Variants in DACH2 observed in about 807,000 individuals in gnomAD.
DACH2 encodes the protein dachshund homolog 2.
DACH2 carries 17 observed loss-of-function variants against 35.8 expected under a neutral mutation model. The observed-to-expected ratio is 0.48, with a 90% CI of 0.33 to 0.71. The LOEUF is 0.71. Among genes scored for constraint, DACH2 ranks in the 30% least tolerant of loss-of-function variants. DACH2 has a pLI of 0.02. For synonymous variants in DACH2, 195 were observed against 177.3 expected (o/e 1.10, Z -0.79); for missense variants, 469 against 472.7 (o/e 0.99, Z 0.07).
At chrX:86,658,450 T>C (rs2040568528) in intron 4 of DACH2, among the ~76,000 whole-genome samples, 1 of 111,606 alleles carries the variant, frequency 9.0e-6, no homozygotes, top group Admixed American at 9.5e-5. Flanking sequence ...AAGAACCGAA[T>C]TTTCTCTTTG....
intron 2 of DACH2, among the ~76,000 whole-genome samples, chrX:86,478,212 A>C (rs146473279): frequency 0.04 from 4,489 of 111,577 alleles, 93 homozygotes; most frequent in Non-Finnish European, 0.063. Context: ...TTGTACCTTC[A>C]GATGGTTTCT....
chrX:86,159,519 T>A (rs2147861886), intron 1 of DACH2, among the ~76,000 whole-genome samples: 1 of 112,187 alleles, frequency 8.9e-6, no homozygotes, highest in South Asian at 3.7e-4. Context: ...AAAAAATTAC[T>A]CCATAGTACA....
intron 3 of DACH2, among the ~76,000 whole-genome samples, chrX:86,603,697 C>A (rs1374728590): frequency 9.0e-6 from 1 of 111,345 alleles, no homozygotes; most frequent in East Asian, 2.8e-4. Context: ...TTCTCTTCAT[C>A]TCTGTAGCTT....
At chrX:86,667,599 A>AGAAAGAAG (rs2040712255) in intron 4 of DACH2, among the ~76,000 whole-genome samples, 1 of 105,436 alleles carries the variant, frequency 9.5e-6, no homozygotes, top group South Asian at 4.0e-4. Context: ...AAAGAAAGAA[A>AGAAAGAAG]GAAAGAAAGA....
intron 1 of DACH2, among the ~76,000 whole-genome samples, chrX:86,320,998 T>G (rs2035005453): frequency 8.9e-6 from 1 of 111,743 alleles, no homozygotes; most frequent in Non-Finnish European, 1.9e-5. Flanking sequence ...AAAAATTCAG[T>G]AATGCCCAAT....
rs6617198 is a variant in DACH2, at chrX:86,191,376, A to G, written c.488+42268A>G. ...TTAATCTATTAGAACTAACACAAGGACAGAAAACCAAATACTGCATGTTCT... is the reference window on the plus strand; with the variant it reads ...TTAATCTATTAGAACTAACACAAGGGCAGAAAACCAAATACTGCATGTTCT... On this transcript the variant is annotated intron_variant, in intron 1 of 11. Coordinates refer to ENST00000373125, the MANE Select transcript of DACH2 (RefSeq NM_053281.3). 7.4e-4 allele frequency among the ~76,000 whole-genome samples: 83 copies of G among 111,852 alleles called. 1 individual carries two copies. In the East Asian group the frequency reaches 0.017, roughly 22 times the overall value.
chrX:86,441,810 C>T (rs2037166937), intron 2 of DACH2, among the ~76,000 whole-genome samples: 1 of 106,233 alleles, frequency 9.4e-6, no homozygotes, highest in African/African-American at 3.4e-5. Flanking sequence ...GCATTTGCTA[C>T]TCCTTGTTTA....
At chrX:86,341,245 T>C (rs191716441) in intron 1 of DACH2, among the ~76,000 whole-genome samples, 1 of 111,743 alleles carries the variant, frequency 8.9e-6, no homozygotes, top group African/African-American at 3.2e-5. Flanking sequence ...GACTCTCTTG[T>C]TAGAGTCTAA....
intron 1 of DACH2, among the ~76,000 whole-genome samples, chrX:86,169,899 C>G (rs185699800): frequency 9.0e-5 from 10 of 110,526 alleles, no homozygotes; most frequent in African/African-American, 3.3e-4. Context: ...GATGTTGATG[C>G]TAATAGATGT....
chrX:86,569,088 A>G (rs1482430209), intron 3 of DACH2, among the ~76,000 whole-genome samples: 2 of 111,513 alleles, frequency 1.8e-5, no homozygotes, highest in Non-Finnish European at 3.8e-5. Flanking sequence ...CTTTACATGC[A>G]TTTTTACTAA....
At chrX:86,747,246 T>C (rs749185033) in intron 7 of DACH2, among the ~76,000 whole-genome samples, 4 of 111,904 alleles carry the variant, frequency 3.6e-5, no homozygotes, top group African/African-American at 9.7e-5. Flanking sequence ...AAGGATTCTA[T>C]TGAAACTGTA....
intron 3 of DACH2, among the ~76,000 whole-genome samples, chrX:86,591,662 C>T (rs1308164960): frequency 6.5e-5 from 7 of 108,497 alleles, no homozygotes; most frequent in African/African-American, 1.0e-4. Context: ...CTCAGCCTCC[C>T]GAGTAGCTGG....
intron 2 of DACH2, among the ~76,000 whole-genome samples, chrX:86,390,725 G>A (rs2036187738): frequency 9.1e-6 from 1 of 109,312 alleles, no homozygotes; most frequent in South Asian, 4.1e-4. Context: ...GGGTAGTCGA[G>A]ATTACAGGCA....
intron 1 of DACH2, among the ~76,000 whole-genome samples, chrX:86,293,411 T>G (rs2034357647): frequency 9.2e-6 from 1 of 108,615 alleles, no homozygotes; most frequent in Non-Finnish European, 1.9e-5. Context: ...TTGGAGCATT[T>G]AGTCCATTTA....
intron 7 of DACH2, among the ~76,000 whole-genome samples, chrX:86,800,033 TAAG>T (rs1414359795): frequency 3.6e-5 from 4 of 112,144 alleles, no homozygotes; most frequent in African/African-American, 1.3e-4. Context: ...TATTGTGCTA[TAAG>T]AAGAAGGCAG....
chrX:86,468,172 T>C (rs1304929780), intron 2 of DACH2, among the ~76,000 whole-genome samples: 1 of 111,861 alleles, frequency 8.9e-6, no homozygotes, highest in Non-Finnish European at 1.9e-5. Flanking sequence ...ATATAGTAAA[T>C]GTTGAATGGC....
intron 11 of DACH2, chrX:86,828,659 G>A (rs2042583862): frequency 9.0e-6 from 1 of 111,372 alleles, no homozygotes; most frequent in African/African-American, 3.3e-5. Flanking sequence ...TCTAGACATA[G>A]CCAGATTCCT....
chrX:86,753,055 TACAC>T (rs752782082), intron 7 of DACH2, among the ~76,000 whole-genome samples: 1 of 41,994 alleles, frequency 2.4e-5, no homozygotes, highest in Admixed American at 1.6e-4. Context: ...TTATTAAAAG[TACAC>T]ACACACACAC....
intron 7 of DACH2, among the ~76,000 whole-genome samples, chrX:86,745,736 C>A (rs2041705304): frequency 9.0e-6 from 1 of 111,391 alleles, no homozygotes; most frequent in Non-Finnish European, 1.9e-5. Flanking sequence ...GTTTATATTC[C>A]TTTGGGTACA....
Sources: allele counts gnomAD v4.1 joint callset (sites outside exome capture counted in the v4.1 genomes callset), GRCh38; gene constraint gnomAD v4.1.1; transcripts MANE v1.5; gene names NCBI Gene and HGNC (gene_info 2026-07-23, HGNC 2026-07-21).